DOCK7: variants seen among roughly 807,000 people sequenced by gnomAD.
DOCK7 encodes dedicator of cytokinesis 7.
In DOCK7, 138 loss-of-function variants were observed where a neutral mutation model predicts 271.0. That is an observed-to-expected ratio of 0.51 (90% CI 0.44 to 0.59). The LOEUF is 0.59. DOCK7 is among the 20% of genes least tolerant of loss of function. The pLI, the probability that DOCK7 is intolerant of heterozygous loss-of-function variation, is 0.00. For synonymous variants in DOCK7, 823 were observed against 876.1 expected (o/e 0.94, Z 1.07); for missense variants, 2,066 against 2,592.4 (o/e 0.80, Z 4.41).
chr1:62,583,177 TC>T lies in DOCK7; in HGVS notation c.1871+6del. ...GTAACTTTGAAAGAAATATTTGAAT[TC>T]AGTACCTGTTATGATATACTACGGC... On this transcript the variant is annotated splice_donor_region_variant and intron_variant, in intron 16 of 49. Coordinates refer to ENST00000635253, the MANE Select transcript of DOCK7 (RefSeq NM_001367561.1). 1.2e-6 allele frequency: 2 copies of T among 1,604,954 alleles called. No individual in the cohort carries two copies. Among genetic ancestry groups the T allele is most frequent in the Non-Finnish European group, 1.7e-6 (2 of 1,172,610 alleles).
chr1:62,644,884 GACAA>G (rs776864913), intron 7 of DOCK7, among the ~76,000 whole-genome samples: 3 of 151,970 alleles, frequency 2.0e-5, no homozygotes, highest in East Asian at 1.9e-4. Flanking sequence ...TTTAATGAGA[GACAA>G]ACAAAAGTTA....
intron 37 of DOCK7, among the ~76,000 whole-genome samples, chr1:62,503,976 G>A (rs553610639): frequency 6.6e-6 from 1 of 151,636 alleles, no homozygotes; most frequent in Admixed American, 6.6e-5. Context: ...GAACCCAGGA[G>A]GCGGAGCTTG....
intron 11 of DOCK7, among the ~76,000 whole-genome samples, 165 bp downstream of exon 11, chr1:62,631,075 C>T (rs1475655448): frequency 2.0e-5 from 3 of 152,006 alleles, no homozygotes; most frequent in Non-Finnish European, 4.4e-5. Flanking sequence ...ATCTCAGCTA[C>T]TCAGGAGGCT....
At chr1:62,509,919 A>T (rs1644432943) in intron 34 of DOCK7, among the ~76,000 whole-genome samples, 1 of 152,170 alleles carries the variant, frequency 6.6e-6, no homozygotes, top group Non-Finnish European at 1.5e-5. Flanking sequence ...CAGTGCTATA[A>T]CTGGGAGAGT....
intron 31 of DOCK7, among the ~76,000 whole-genome samples, chr1:62,519,696 AAGAG>A (rs773027683): frequency 4.6e-5 from 7 of 152,170 alleles, no homozygotes; most frequent in Non-Finnish European, 7.3e-5. Flanking sequence ...AACTGGCTAA[AAGAG>A]AGAGAGAAGA....
chr1:62,644,094 C>T (rs560665950), intron 7 of DOCK7, among the ~76,000 whole-genome samples: 2 of 152,054 alleles, frequency 1.3e-5, no homozygotes, highest in African/African-American at 2.4e-5. Flanking sequence ...TGTTGATTTA[C>T]GACTGGAGCT....
chr1:62,562,647 A>C (rs918641366), intron 18 of DOCK7, among the ~76,000 whole-genome samples: 3 of 152,190 alleles, frequency 2.0e-5, no homozygotes, highest in Admixed American at 6.5e-5. Context: ...TGATATATAA[A>C]TGAACATAAA....
Position 62,688,288 on chromosome 1 carries a change from C to T in DOCK7, c.-24G>A, listed in dbSNP as rs1436587442. ...ATGGCTGCTGCGGCGACGGCGACGG[C>T]GGCGGCGGCTGCGGCGGGCCGGGTG... On this transcript the variant is annotated 5_prime_UTR_variant, in exon 1 of 50. Transcript: ENST00000635253. 2.4e-6 allele frequency: 3 copies of T among 1,257,504 alleles called. No homozygotes were observed. Among genetic ancestry groups the T allele is most frequent in the South Asian group, 5.6e-5 (2 of 35,876 alleles). 77.9% of individuals were successfully genotyped at this position (1,257,504 alleles called of 1,614,324 possible).
At chr1:62,525,067 G>A (rs537298626) in intron 31 of DOCK7, among the ~76,000 whole-genome samples, 55 of 150,666 alleles carry the variant, frequency 3.7e-4, no homozygotes, top group Non-Finnish European at 2.2e-4. Flanking sequence ...GTGCAGTGGC[G>A]CGATCTAGGC....
At chr1:62,543,609 G>T in intron 24 of DOCK7, 47 bp downstream of exon 24, 1 of 1,381,236 alleles carries the variant, frequency 7.2e-7, no homozygotes. Context: ...CTATTTAATT[G>T]GTGAAATTAT....
chr1:62,498,076 C>T (rs1392692515), intron 37 of DOCK7, among the ~76,000 whole-genome samples: 7 of 112,456 alleles, frequency 6.2e-5, no homozygotes, highest in African/African-American at 1.4e-4. Context: ...GGCATGTCTA[C>T]GAAATTTTTT....
chr1:62,563,095 G>A (rs929116491), intron 18 of DOCK7, among the ~76,000 whole-genome samples: 1 of 152,112 alleles, frequency 6.6e-6, no homozygotes, highest in Non-Finnish European at 1.5e-5. Context: ...CAGTAACAAG[G>A]TGCCCCCCTC....
chr1:62,560,834 CTG>C (rs931736484), intron 19 of DOCK7, among the ~76,000 whole-genome samples: 1 of 152,172 alleles, frequency 6.6e-6, no homozygotes, highest in Non-Finnish European at 1.5e-5. Flanking sequence ...ATATGTAACA[CTG>C]TACTAATTTT....
intron 7 of DOCK7, among the ~76,000 whole-genome samples, chr1:62,640,191 A>G (rs545459398): frequency 7.2e-5 from 11 of 152,334 alleles, no homozygotes; most frequent in African/African-American, 2.6e-4. Flanking sequence ...TACTAATAAG[A>G]TGTGGCTTAT....
chr1:62,656,732 A>G (rs776133708), intron 2 of DOCK7, among the ~76,000 whole-genome samples: 1 of 151,032 alleles, frequency 6.6e-6, no homozygotes, highest in Non-Finnish European at 1.5e-5. Flanking sequence ...TTTGCCTTAT[A>G]CATTCCAGAC....
chr1:62,464,280 C>T (rs927105254), intron 48 of DOCK7, among the ~76,000 whole-genome samples: 4 of 150,580 alleles, frequency 2.7e-5, no homozygotes, highest in Non-Finnish European at 4.4e-5. Context: ...AGGCTGGTCT[C>T]GAACTCCTGA....
At chr1:62,635,266 A>G (rs1238383758) in intron 8 of DOCK7, 2 of 159,934 alleles carry the variant, frequency 1.3e-5, no homozygotes, top group Non-Finnish European at 2.7e-5. Context: ...AAAACATAAT[A>G]AGCATATTCT....
rs548031674 is a variant in DOCK7, at chr1:62,594,391, A to G, written c.1683-7767T>C. Among the ~76,000 whole-genome samples, 315 of 152,258 alleles carry G rather than the reference A, an allele frequency of 2.1e-3. 2 individuals carry two copies. The highest frequency in any genetic ancestry group is 7.2e-3 in the African/African-American group (300 of 41,560). ...TAAGAATTATACAGATATTTATACC[A>G]AGAGACAATATACTAGAAACCAAGA... On this transcript the variant is annotated intron_variant, in intron 14 of 49. Transcript: ENST00000635253.
At chr1:62,492,674 G>A (rs772995616) in intron 41 of DOCK7, 30 bp downstream of exon 41, 31 of 1,612,856 alleles carry the variant, frequency 1.9e-5, no homozygotes, top group East Asian at 1.3e-4. Context: ...GTATGAAACT[G>A]TGGGAAAAGA....
Sources: allele counts gnomAD v4.1 joint callset (sites outside exome capture counted in the v4.1 genomes callset), GRCh38; gene constraint gnomAD v4.1.1; transcripts MANE v1.5; gene names NCBI Gene and HGNC (gene_info 2026-07-23, HGNC 2026-07-21).